The following WDR72 variants were observed in gnomAD, a reference collection of about 807,000 sequenced individuals.
WDR72 encodes the protein WD repeat domain 72, also known as WD repeat-containing protein 72.
WDR72 carries 120 observed loss-of-function variants against 124.2 expected under a neutral mutation model. That is an observed-to-expected ratio of 0.97 (90% CI 0.83 to 1.12). The LOEUF is 1.12. Among genes scored for constraint, WDR72 ranks in the 50% most tolerant of loss-of-function variants. The probability of loss-of-function intolerance (pLI) is 0.00; values close to 1 mark genes in which losing one functional copy is unlikely to be tolerated. For synonymous variants in WDR72, 452 were observed against 441.7 expected (o/e 1.02, Z -0.29); for missense variants, 1,387 against 1,278.8 (o/e 1.08, Z -1.29).
chr15:53,675,506 T>C (rs948551003), intron 13 of WDR72, among the ~76,000 whole-genome samples: 1 of 152,202 alleles, frequency 6.6e-6, no homozygotes, highest in Non-Finnish European at 1.5e-5. Flanking sequence ...ATCTATTATA[T>C]ACAAAACTAT....
intron 1 of WDR72, among the ~76,000 whole-genome samples, chr15:53,737,172 T>C (rs2018381106): frequency 6.6e-6 from 1 of 152,122 alleles, no homozygotes; most frequent in Non-Finnish European, 1.5e-5. Context: ...AACTGGTTGA[T>C]TCCAGGCCTG....
At chr15:53,708,667 A>G (rs1449698859) in intron 9 of WDR72, among the ~76,000 whole-genome samples, 1 of 152,208 alleles carries the variant, frequency 6.6e-6, no homozygotes. Flanking sequence ...AAGGACTCAA[A>G]TGAAGTTTTT....
intron 2 of WDR72, among the ~76,000 whole-genome samples, chr15:53,724,197 A>G (rs1268036200): frequency 6.6e-6 from 1 of 152,214 alleles, no homozygotes; most frequent in African/African-American, 2.4e-5. Context: ...ACAAACACTG[A>G]ATTACACATA....
intron 4 of WDR72, among the ~76,000 whole-genome samples, chr15:53,715,745 A>G (rs1486466407): frequency 6.6e-6 from 1 of 152,200 alleles, no homozygotes; most frequent in Non-Finnish European, 1.5e-5. Context: ...AGACCACTTG[A>G]GGCCAGGAAT....
intron 18 of WDR72, among the ~76,000 whole-genome samples, chr15:53,591,737 C>T (rs1360128668): frequency 6.8e-6 from 1 of 147,078 alleles, no homozygotes; most frequent in East Asian, 2.0e-4. Context: ...CACATATATA[C>T]CTTCTGATGT....
intron 1 of WDR72, among the ~76,000 whole-genome samples, chr15:53,756,148 G>A (rs1381613617): frequency 6.6e-6 from 1 of 152,178 alleles, no homozygotes. Flanking sequence ...CCCACATGTG[G>A]TGGGAGGGAC....
At chr15:53,634,071 A>T (rs1300855206) in intron 14 of WDR72, among the ~76,000 whole-genome samples, 3 of 152,254 alleles carry the variant, frequency 2.0e-5, no homozygotes, top group Non-Finnish European at 2.9e-5. Context: ...TTTGAAAATG[A>T]TAATGTGCCC....
chr15:53,517,011 C>G lies in WDR72; in HGVS notation c.*688G>C, dbSNP rs1891497712. On this transcript the variant is annotated 3_prime_UTR_variant, in exon 20 of 20. Coordinates refer to ENST00000360509, the MANE Select transcript of WDR72 (RefSeq NM_182758.4). ...CTTCCCTAGTTCACATCTATATGGC[C>G]AACAAGATCAACCTTGAGCTAAAGA... 6.6e-6 allele frequency: 1 copy of G among 152,084 alleles called. No individual in the cohort carries two copies. The allele number at this position is 152,084 out of a possible 1,614,324, so 9.4% of individuals were successfully genotyped here. A position where few individuals can be genotyped will look rare whatever the true frequency, so the allele number is the denominator to read the frequency against.
chr15:53,651,067 T>G (rs1482580707), intron 14 of WDR72, among the ~76,000 whole-genome samples: 23 of 152,102 alleles, frequency 1.5e-4, no homozygotes, highest in Admixed American at 1.5e-3. Flanking sequence ...TCCCTCACTT[T>G]TCAATATTGA....
chr15:53,744,401 C>A (rs7183451), intron 1 of WDR72, among the ~76,000 whole-genome samples: 5,786 of 152,246 alleles, frequency 0.038, 155 homozygotes, highest in African/African-American at 0.078. Flanking sequence ...AAGAAATAAA[C>A]CTCCCAGTAA....
intron 17 of WDR72, among the ~76,000 whole-genome samples, chr15:53,605,300 G>C (rs2140352337): frequency 6.6e-6 from 1 of 152,230 alleles, no homozygotes; most frequent in South Asian, 2.1e-4. Flanking sequence ...GGGAACACTT[G>C]AACACGTAGA....
rs781445007 is a variant in WDR72 at position 53,615,507 on chromosome 15, G to C, written c.2699C>G (p.Thr900Ser). Residue 900 changes from threonine to serine, a missense_variant, in exon 15 of 20, where the codon ACT (threonine) becomes AGT (serine). Transcript: ENST00000360509. ...NNCDSLRESD[T>S]IVYLLSRLFL... The stretch of plus-strand genomic sequence containing the variant: ...TAGTCTGCTCAACAAATAAACTATA[G>C]TATCTGACTCTCGCAAAGAATCACA... 2.5e-6 allele frequency: 4 copies of C among 1,612,648 alleles called. No individual in the cohort carries two copies. Among genetic ancestry groups the C allele is most frequent in the East Asian group, 4.5e-5 (2 of 44,800 alleles).
At chr15:53,638,447 G>C (rs1357187825) in intron 14 of WDR72, among the ~76,000 whole-genome samples, 1 of 152,140 alleles carries the variant, frequency 6.6e-6, no homozygotes, top group African/African-American at 2.4e-5. Flanking sequence ...CTACTCCATG[G>C]CAACATGCCA....
At chr15:53,527,008 G>C (rs777330780) in intron 18 of WDR72, among the ~76,000 whole-genome samples, 1 of 152,076 alleles carries the variant, frequency 6.6e-6, no homozygotes, top group Non-Finnish European at 1.5e-5. Flanking sequence ...GGTAGCTAGA[G>C]AAGAGAGGAA....
At chr15:53,526,131 G>T (rs1025062522) in intron 18 of WDR72, among the ~76,000 whole-genome samples, 3 of 151,994 alleles carry the variant, frequency 2.0e-5, no homozygotes, top group Non-Finnish European at 4.4e-5. Flanking sequence ...AGAGCTCTGT[G>T]CTGGACTGTG....
chr15:53,583,624 G>A (rs1566970158), intron 18 of WDR72, among the ~76,000 whole-genome samples: 1 of 151,936 alleles, frequency 6.6e-6, no homozygotes. Context: ...CAGACATAGG[G>A]CAATAAATAT....
At chr15:53,626,621 C>T (rs1555415679) in intron 14 of WDR72, among the ~76,000 whole-genome samples, 1 of 152,206 alleles carries the variant, frequency 6.6e-6, no homozygotes, top group Non-Finnish European at 1.5e-5. Flanking sequence ...GCTCAAATGC[C>T]TGGGTTTCTA....
rs895327165 is a variant in WDR72, at chr15:53,691,113, G to A, written c.1765+8637C>T. 5.3e-5 allele frequency among the ~76,000 whole-genome samples: 8 copies of A among 152,228 alleles called. No individual in the cohort carries two copies. In the East Asian group the frequency reaches 7.7e-4, roughly 15 times the overall value. ...CACCCAGGCTGGAGCACAGTGGCAC[G>A]ATTACAGCTCACTGCAGCCTCAACC... On this transcript the variant is annotated intron_variant, in intron 13 of 19. Coordinates refer to ENST00000360509, the MANE Select transcript of WDR72 (RefSeq NM_182758.4).
At chr15:53,645,448 T>C (rs775840385) in intron 14 of WDR72, among the ~76,000 whole-genome samples, 4 of 152,136 alleles carry the variant, frequency 2.6e-5, no homozygotes, top group Non-Finnish European at 5.9e-5. Flanking sequence ...GTGTTTTAAG[T>C]GTGAAGAATA....
Sources: gnomAD v4.1 joint callset for allele counts (sites outside exome capture counted in the v4.1 genomes callset) on GRCh38, gnomAD v4.1.1 for gene constraint, MANE v1.5 for transcripts, NCBI Gene and HGNC (gene_info 2026-07-23, HGNC 2026-07-21) for gene names.